CLSTN2: variants seen among roughly 807,000 people sequenced by gnomAD.
CLSTN2 encodes calsyntenin-2.
CLSTN2 carries 48 observed loss-of-function variants against 101.2 expected under a neutral mutation model. That is an observed-to-expected ratio of 0.47 (90% CI 0.38 to 0.60). The LOEUF is 0.60. CLSTN2 is among the 20% of genes least tolerant of loss of function. The pLI is 0.00. For synonymous variants in CLSTN2, 481 were observed against 463.6 expected (o/e 1.04, Z -0.48); for missense variants, 1,160 against 1,238.2 (o/e 0.94, Z 0.95).
chr3:140,277,207 G>A (rs1181423462), intron 2 of CLSTN2, among the ~76,000 whole-genome samples: 3 of 152,192 alleles, frequency 2.0e-5, no homozygotes, highest in Admixed American at 2.0e-4. Flanking sequence ...GATTCTTGAG[G>A]TGCTTTGTAT....
At chr3:140,307,036 A>C (rs1284212948) in intron 2 of CLSTN2, among the ~76,000 whole-genome samples, 1 of 151,912 alleles carries the variant, frequency 6.6e-6, no homozygotes, top group Admixed American at 6.6e-5. Flanking sequence ...TTCTCATGAT[A>C]GTGAATAAGT....
intron 1 of CLSTN2, among the ~76,000 whole-genome samples, chr3:139,936,183 A>G (rs1432270150): frequency 6.6e-6 from 1 of 152,086 alleles, no homozygotes; most frequent in Non-Finnish European, 1.5e-5. Flanking sequence ...TCCCGCCCGG[A>G]AGGAAGCTAG....
intron 2 of CLSTN2, among the ~76,000 whole-genome samples, chr3:140,256,315 A>G (rs1306806100): frequency 6.6e-6 from 1 of 152,168 alleles, no homozygotes; most frequent in Non-Finnish European, 1.5e-5. Flanking sequence ...CCAAAAAGCA[A>G]CCTATGGAAT....
intron 8 of CLSTN2, among the ~76,000 whole-genome samples, chr3:140,474,811 G>A (rs962505739): frequency 4.6e-5 from 7 of 152,064 alleles, no homozygotes; most frequent in Non-Finnish European, 1.5e-5. Flanking sequence ...CTGGGCTCCG[G>A]CGAGCCCAGT....
At chr3:140,229,252 T>C (rs2086350792) in intron 2 of CLSTN2, among the ~76,000 whole-genome samples, 2 of 152,208 alleles carry the variant, frequency 1.3e-5, no homozygotes, top group South Asian at 4.1e-4. Context: ...GAGCTCATGA[T>C]GTGTACTTGA....
chr3:140,172,226 G>A (rs943310147), intron 1 of CLSTN2, among the ~76,000 whole-genome samples: 2 of 151,584 alleles, frequency 1.3e-5, no homozygotes, highest in Admixed American at 6.6e-5. Flanking sequence ...AGGGTATTGG[G>A]GGTGAGCGGG....
intron 1 of CLSTN2, among the ~76,000 whole-genome samples, chr3:140,028,828 G>A (rs1307447921): frequency 1.3e-5 from 2 of 152,194 alleles, no homozygotes; most frequent in Non-Finnish European, 2.9e-5. Flanking sequence ...CAGAAGGACA[G>A]GGCCAGGGAA....
chr3:140,532,573 G>A, intron 9 of CLSTN2, 87 bp downstream of exon 9: 1 of 1,222,538 alleles, frequency 8.2e-7, no homozygotes. Flanking sequence ...AGCAAGTGGT[G>A]TGAGAATAGT....
At chr3:140,251,383 G>A (rs1348720582) in intron 2 of CLSTN2, among the ~76,000 whole-genome samples, 2 of 152,146 alleles carry the variant, frequency 1.3e-5, no homozygotes, top group African/African-American at 4.8e-5. Flanking sequence ...CTATACATTG[G>A]TAATTTGCCT....
intron 1 of CLSTN2, among the ~76,000 whole-genome samples, chr3:140,034,827 G>A (rs1197365669): frequency 6.6e-6 from 1 of 152,148 alleles, no homozygotes; most frequent in Non-Finnish European, 1.5e-5. Flanking sequence ...CATAAAGTGG[G>A]GCTAGTAATG....
intron 2 of CLSTN2, among the ~76,000 whole-genome samples, chr3:140,283,626 G>A (rs1177216009): frequency 6.6e-6 from 1 of 152,164 alleles, no homozygotes; most frequent in Non-Finnish European, 1.5e-5. Context: ...CTTCTTCCCA[G>A]GTCTCAGGGT....
rs745992339 is a variant in CLSTN2 at position 140,403,745 on chromosome 3, C to T, written c.349C>T (p.Gln117Ter). The T allele has an allele frequency of 1.9e-6, 3 of 1,614,174 alleles. No homozygotes were observed. In the South Asian group the frequency reaches 3.3e-5, roughly 18 times the overall value. The change falls in exon 3 of 17, where the codon CAG becomes TAG. Residue 117 changes from glutamine (Q) to a stop codon, truncating the protein, a stop_gained. Coordinates refer to ENST00000458420, the MANE Select transcript of CLSTN2 (RefSeq NM_022131.3). LOFTEE classifies it high-confidence loss of function. The stretch of plus-strand genomic sequence containing the variant: ...CAAGAGCCCCATTGACTGTGAGTTG[C>T]AGAAGGAGTACACATTCATCATCCA... ...RAKSPIDCEL[Q>*]KEYTFIIQAY...
chr3:140,497,100 C>G (rs895006691), intron 8 of CLSTN2, among the ~76,000 whole-genome samples: 1 of 87,986 alleles, frequency 1.1e-5, no homozygotes, highest in Non-Finnish European at 2.5e-5. Context: ...GACTCCGTCT[C>G]AAAAAAAAAA....
intron 2 of CLSTN2, among the ~76,000 whole-genome samples, chr3:140,252,056 G>A (rs1223031080): frequency 6.6e-6 from 1 of 152,108 alleles, no homozygotes; most frequent in Non-Finnish European, 1.5e-5. Flanking sequence ...AGGCATTGGA[G>A]AATTTTAAGC....
chr3:139,976,945 G>A (rs1300333430), intron 1 of CLSTN2, among the ~76,000 whole-genome samples: 1 of 152,130 alleles, frequency 6.6e-6, no homozygotes, highest in East Asian at 1.9e-4. Flanking sequence ...CTCCAATAAT[G>A]AAGCACCCGC....
intron 8 of CLSTN2, among the ~76,000 whole-genome samples, chr3:140,502,124 G>T (rs894580040): frequency 3.3e-5 from 5 of 152,208 alleles, no homozygotes; most frequent in East Asian, 3.8e-4. Flanking sequence ...TGTGCTTATG[G>T]TGGTGGTGGG....
chr3:140,445,663 G>A (rs13315709), intron 5 of CLSTN2, among the ~76,000 whole-genome samples: 1 of 152,062 alleles, frequency 6.6e-6, no homozygotes, highest in Non-Finnish European at 1.5e-5. Flanking sequence ...GATACAGGCC[G>A]GTGGGATCAG....
intron 8 of CLSTN2, among the ~76,000 whole-genome samples, chr3:140,494,309 A>G (rs935812424): frequency 2.0e-5 from 3 of 152,212 alleles, no homozygotes; most frequent in Admixed American, 2.0e-4. Flanking sequence ...CTCCTTCACA[A>G]TAAAGATCAC....
chr3:140,185,214 C>A (rs1357241456), intron 2 of CLSTN2, among the ~76,000 whole-genome samples: 1 of 152,192 alleles, frequency 6.6e-6, no homozygotes, highest in East Asian at 1.9e-4. Context: ...TAAGAAAACT[C>A]TTTTCATTCA....
Sources: gnomAD v4.1 joint callset for allele counts (sites outside exome capture counted in the v4.1 genomes callset) on GRCh38, gnomAD v4.1.1 for gene constraint, MANE v1.5 for transcripts, NCBI Gene and HGNC (gene_info 2026-07-23, HGNC 2026-07-21) for gene names.